ATP2B3: variants seen among roughly 807,000 people sequenced by gnomAD.
ATP2B3 encodes the protein plasma membrane calcium-transporting ATPase 3.
ATP2B3 carries 12 observed loss-of-function variants against 70.8 expected under a neutral mutation model. The observed-to-expected ratio is 0.17, with a 90% CI of 0.11 to 0.27. The LOEUF is 0.27. Among genes scored for constraint, ATP2B3 ranks in the 10% least tolerant of loss-of-function variants. The probability of loss-of-function intolerance (pLI) is 1.00; values close to 1 mark genes in which losing one functional copy is unlikely to be tolerated. For missense variants in ATP2B3, 858 were observed against 1,118.5 expected (o/e 0.77, Z 3.32); for synonymous variants, 460 against 497.8 (o/e 0.92, Z 1.01).
At chrX:153,527,014 A>T (rs192723674) in intron 2 of ATP2B3, among the ~76,000 whole-genome samples, 2 of 112,202 alleles carry the variant, frequency 1.8e-5, no homozygotes, top group African/African-American at 6.5e-5. Context: ...CTCCTTATTT[A>T]GTCACTGCCT....
At chrX:153,566,884 C>A (rs139741921) in intron 21 of ATP2B3, among the ~76,000 whole-genome samples, 1 of 112,107 alleles carries the variant, frequency 8.9e-6, no homozygotes, top group Non-Finnish European at 1.9e-5. Flanking sequence ...GCAAAACTTT[C>A]CAGAGCTACA....
chrX:153,532,000 T>C (rs1413056450), intron 2 of ATP2B3, among the ~76,000 whole-genome samples: 3 of 111,555 alleles, frequency 2.7e-5, no homozygotes, highest in Non-Finnish European at 5.7e-5. Flanking sequence ...TTCAGGGGTG[T>C]CATCAGAGCG....
intron 13 of ATP2B3, among the ~76,000 whole-genome samples, chrX:153,553,979 G>A: frequency 8.8e-6 from 1 of 113,815 alleles, no homozygotes; most frequent in East Asian, 2.8e-4. Flanking sequence ...GTCTTTGTAG[G>A]AGCCACCCTG....
chrX:153,527,748 A>T (rs2090056142), intron 2 of ATP2B3, among the ~76,000 whole-genome samples: 2 of 112,291 alleles, frequency 1.8e-5, no homozygotes, highest in African/African-American at 6.5e-5. Flanking sequence ...GGCCGAACGG[A>T]ATGTTCTGAC....
intron 18 of ATP2B3, 120 bp downstream of exon 18, chrX:153,560,062 C>A: frequency 2.7e-6 from 2 of 739,095 alleles, no homozygotes; most frequent in Non-Finnish European, 4.0e-6. Flanking sequence ...TGGGACGCTG[C>A]ACTTCCTGAC....
At chrX:153,553,620 G>T (rs2090491383) in intron 13 of ATP2B3, among the ~76,000 whole-genome samples, 1 of 111,984 alleles carries the variant, frequency 8.9e-6, no homozygotes, top group African/African-American at 3.2e-5. Flanking sequence ...GCACAGGGTG[G>T]GCGTTTATTG....
At chrX:153,567,267 G>A (rs1165701497) in intron 21 of ATP2B3, among the ~76,000 whole-genome samples, 13 of 113,401 alleles carry the variant, frequency 1.1e-4, no homozygotes, top group African/African-American at 2.9e-4. Flanking sequence ...ATATTTCTGC[G>A]CTAAATCTTA....
Position 153,553,136 on chromosome X carries a change from G to A in ATP2B3, c.1925G>A (p.Gly642Asp). The A allele has an allele frequency of 8.3e-7, 1 of 1,210,134 alleles. No individual in the cohort carries two copies. The highest frequency in any genetic ancestry group is 2.3e-4 in the Middle Eastern group (1 of 4,352). Residue 642 changes from glycine (G) to aspartate (D), a missense_variant, in exon 13 of 22, where the codon GGC becomes GAC. Transcript: ENST00000263519. Reference protein sequence around the residue: ...RKIIEPMACDGLRTICIAYRD... With the variant: ...RKIIEPMACDDLRTICIAYRD... Reference sequence around the variant, plus strand: ...ATCATCGAGCCGATGGCTTGCGATGGCCTCCGCACCATCTGCATCGCCTAC... The same window carrying A: ...ATCATCGAGCCGATGGCTTGCGATGACCTCCGCACCATCTGCATCGCCTAC...
intron 21 of ATP2B3, among the ~76,000 whole-genome samples, chrX:153,576,803 A>T (rs1415023087): frequency 2.7e-5 from 3 of 111,753 alleles, no homozygotes; most frequent in African/African-American, 9.8e-5. Context: ...TTGAGCACCC[A>T]GGTAGGAGTG....
At chrX:153,540,421 C>T (rs927939414) in intron 3 of ATP2B3, among the ~76,000 whole-genome samples, 2 of 112,360 alleles carry the variant, frequency 1.8e-5, no homozygotes, top group Admixed American at 9.3e-5. Context: ...CGCGTGACAC[C>T]GTTCTTCTTC....
At chrX:153,525,985 G>A (rs2090026344) in intron 2 of ATP2B3, among the ~76,000 whole-genome samples, 1 of 113,096 alleles carries the variant, frequency 8.8e-6, no homozygotes, top group Non-Finnish European at 1.9e-5. Context: ...GGATGGGGTG[G>A]GTCAGGGCTC....
chrX:153,559,440 A>G (rs782517355), intron 17 of ATP2B3: 32 of 336,200 alleles, frequency 9.5e-5, no homozygotes, highest in Non-Finnish European at 1.5e-4. Context: ...TGTTGCCCCA[A>G]ATGGCAGACC....
chrX:153,546,549 T>C (rs1163988996), intron 8 of ATP2B3, among the ~76,000 whole-genome samples: 2 of 112,168 alleles, frequency 1.8e-5, no homozygotes, highest in South Asian at 3.7e-4. Flanking sequence ...GGAGACAGAG[T>C]GGTCGGCTGA....
intron 14 of ATP2B3, 26 bp downstream of exon 14, chrX:153,556,254 A>G (rs1162780444): frequency 1.7e-6 from 2 of 1,199,083 alleles, no homozygotes; most frequent in African/African-American, 3.5e-5. Context: ...CTGCCACCCC[A>G]GACCCCCCTT....
At position 153,550,214 on chromosome X, in the gene ATP2B3, G is replaced by T; in HGVS notation, c.1751G>T (p.Ser584Ile). 1 of 1,212,622 alleles carries T rather than the reference G, an allele frequency of 8.2e-7. No individual in the cohort carries two copies. ...YTFNSVRKSM[S>I]TVIRMPDGGF... ...TTCAACTCGGTCCGCAAGTCCATGA[G>T]CACAGTCATCCGCATGCCCGACGGT... Residue 584 changes from serine (S) to isoleucine (I), a missense_variant, in exon 12 of 22, where the codon AGC becomes ATC. Coordinates refer to ENST00000263519, the MANE Select transcript of ATP2B3 (RefSeq NM_001001344.3).
intron 2 of ATP2B3, among the ~76,000 whole-genome samples, chrX:153,533,914 G>A (rs1203282452): frequency 8.9e-6 from 1 of 111,932 alleles, no homozygotes; most frequent in African/African-American, 3.2e-5. Context: ...AGAGGAGGGA[G>A]GATGAGCACA....
chrX:153,542,536 C>T, intron 6 of ATP2B3, 88 bp downstream of exon 6: 1 of 1,097,039 alleles, frequency 9.1e-7, no homozygotes, highest in Non-Finnish European at 1.2e-6. Context: ...CTGCTGGGCT[C>T]AGCCTCCACC....
chrX:153,553,523 G>A (rs55988611), intron 13 of ATP2B3, among the ~76,000 whole-genome samples: 4,953 of 112,036 alleles, frequency 0.044, 93 homozygotes, highest in South Asian at 0.065. Context: ...TGGCAGTGGC[G>A]GAGAGACCGT....
intron 17 of ATP2B3, 90 bp downstream of exon 17, chrX:153,558,393 G>A: frequency 2.2e-6 from 2 of 921,514 alleles, no homozygotes; most frequent in East Asian, 3.3e-5. Flanking sequence ...TGTTTTCTTT[G>A]CTGCAGATTA....
Sources: gnomAD v4.1 joint callset for allele counts (sites outside exome capture counted in the v4.1 genomes callset) on GRCh38, gnomAD v4.1.1 for gene constraint, MANE v1.5 for transcripts, NCBI Gene and HGNC (gene_info 2026-07-23, HGNC 2026-07-21) for gene names.